PLCB1: variants seen among roughly 807,000 people sequenced by gnomAD.
PLCB1 encodes 1-phosphatidylinositol 4,5-bisphosphate phosphodiesterase beta-1.
A neutral mutation model predicts 161.8 loss-of-function variants in PLCB1; 46 were observed. The observed-to-expected ratio is 0.28, with a 90% CI of 0.22 to 0.36. The LOEUF (loss-of-function observed/expected upper bound fraction) is 0.36, where lower values mean the gene tolerates loss of function less well. Ranked by LOEUF, PLCB1 falls within the 10% of genes least tolerant of loss-of-function variation. The pLI is 1.00. For synonymous variants in PLCB1, 517 were observed against 503.7 expected (o/e 1.03, Z -0.35); for missense variants, 1,016 against 1,472.5 (o/e 0.69, Z 5.07).
intron 3 of PLCB1, among the ~76,000 whole-genome samples, chr20:8,530,912 G>A (rs914270753): frequency 6.6e-6 from 1 of 151,908 alleles, no homozygotes; most frequent in African/African-American, 2.4e-5. Context: ...GTTTTGTCAA[G>A]TTTGCTACAT....
intron 3 of PLCB1, among the ~76,000 whole-genome samples, chr20:8,408,212 T>A (rs6086435): frequency 0.23 from 35,426 of 152,050 alleles, 4,571 homozygotes; most frequent in East Asian, 0.4. Context: ...TTCTGTCTAT[T>A]CTCTTTGCAA....
chr20:8,825,488 G>T lies in PLCB1; in HGVS notation c.3423+35227G>T, dbSNP rs531963356. Among the ~76,000 whole-genome samples, 31 of 151,988 alleles carry T rather than the reference G, an allele frequency of 2.0e-4. 1 individual carries two copies. Among genetic ancestry groups the T allele is most frequent in the African/African-American group, 7.0e-4 (29 of 41,370 alleles). Reference sequence around the variant, plus strand: ...CTTTCAGATACGGAGAATAATACACGCAAAGTCCCTGTGATAGGAGGGACC... The same window carrying T: ...CTTTCAGATACGGAGAATAATACACTCAAAGTCCCTGTGATAGGAGGGACC... On this transcript the variant is annotated intron_variant, in intron 31 of 31. Transcript: ENST00000338037.
At chr20:8,577,273 CAA>C (rs60742411) in intron 3 of PLCB1, among the ~76,000 whole-genome samples, 6 of 126,968 alleles carry the variant, frequency 4.7e-5, no homozygotes, top group African/African-American at 5.8e-5. Context: ...ATTAAAAATA[CAA>C]AAAAAAAAAA....
Position 8,132,329 on chromosome 20 carries a change from G to A in PLCB1, c.-323G>A, listed in dbSNP as rs1398759569. 2.3e-5 allele frequency: 5 copies of A among 217,104 alleles called. No homozygotes were observed. The highest frequency in any genetic ancestry group is 4.5e-5 in the Non-Finnish European group (5 of 110,954). The allele number at this position is 217,104 out of a possible 1,614,324, so 13.4% of individuals were successfully genotyped here. A position where few individuals can be genotyped will look rare whatever the true frequency, so the allele number is the denominator to read the frequency against. The stretch of plus-strand genomic sequence containing the variant: ...TGGTGCGCTTTGAGGCGGCGGCGGC[G>A]GAGGAGCAGAATCCGCCGCGACTGG... On this transcript the variant is annotated 5_prime_UTR_variant, in exon 1 of 32. Coordinates refer to ENST00000338037, the MANE Select transcript of PLCB1 (RefSeq NM_015192.4). This position sits in a 1 kb window ranked among gnomAD's most constrained non-coding sequence, Gnocchi z 5.2.
At chr20:8,151,957 CTTTGTTGCA>C (rs985578858) in intron 2 of PLCB1, among the ~76,000 whole-genome samples, 4 of 152,096 alleles carry the variant, frequency 2.6e-5, no homozygotes, top group Non-Finnish European at 5.9e-5. Flanking sequence ...ACCAAAGGCT[CTTTGTTGCA>C]TTTCTGTTGT....
intron 3 of PLCB1, among the ~76,000 whole-genome samples, chr20:8,395,059 A>G (rs1435388099): frequency 6.6e-6 from 1 of 152,108 alleles, no homozygotes; most frequent in Non-Finnish European, 1.5e-5. Context: ...TTTAGTTGAA[A>G]TTAGTCATTT....
At chr20:8,874,656 T>G (rs1987716485) in intron 31 of PLCB1, among the ~76,000 whole-genome samples, 1 of 151,998 alleles carries the variant, frequency 6.6e-6, no homozygotes, top group South Asian at 2.1e-4. Context: ...CAGCAAAAAA[T>G]ATAGAGATAG....
At chr20:8,167,059 C>A (rs978136094) in intron 2 of PLCB1, among the ~76,000 whole-genome samples, 2 of 152,124 alleles carry the variant, frequency 1.3e-5, no homozygotes, top group African/African-American at 4.8e-5. Context: ...TTGTAGCATT[C>A]GCCAATTTCC....
chr20:8,500,114 AT>A (rs1025528917), intron 3 of PLCB1, among the ~76,000 whole-genome samples: 6 of 152,336 alleles, frequency 3.9e-5, no homozygotes, highest in African/African-American at 1.4e-4. Flanking sequence ...TGTATCCAGT[AT>A]TTTAGTGATT....
intron 3 of PLCB1, among the ~76,000 whole-genome samples, chr20:8,442,167 A>G (rs894784110): frequency 3.3e-5 from 5 of 152,142 alleles, no homozygotes; most frequent in Non-Finnish European, 5.9e-5. Flanking sequence ...ATATGTCTTA[A>G]ATACTTAATT....
intron 2 of PLCB1, among the ~76,000 whole-genome samples, chr20:8,328,649 A>G (rs942883705): frequency 6.6e-6 from 1 of 151,874 alleles, no homozygotes; most frequent in Non-Finnish European, 1.5e-5. Context: ...GCATGTATAT[A>G]TAAAAAATAA....
At chr20:8,237,794 G>A (rs1343758571) in intron 2 of PLCB1, among the ~76,000 whole-genome samples, 4 of 152,014 alleles carry the variant, frequency 2.6e-5, no homozygotes, top group African/African-American at 4.8e-5. Context: ...AACTAATTAC[G>A]TAAATGGGAT....
At chr20:8,880,332 A>G (rs1181779244) in intron 31 of PLCB1, among the ~76,000 whole-genome samples, 1 of 152,112 alleles carries the variant, frequency 6.6e-6, no homozygotes, top group Non-Finnish European at 1.5e-5. Flanking sequence ...CTCCCTGTCT[A>G]CCGGAGAATC....
At chr20:8,218,518 T>A (rs536664198) in intron 2 of PLCB1, among the ~76,000 whole-genome samples, 1 of 152,268 alleles carries the variant, frequency 6.6e-6, no homozygotes, top group South Asian at 2.1e-4. Flanking sequence ...AATTCCTCAG[T>A]TACCTCTAAT....
intron 27 of PLCB1, among the ~76,000 whole-genome samples, chr20:8,787,108 G>C (rs140822371): frequency 4.3e-4 from 66 of 152,308 alleles, no homozygotes; most frequent in Admixed American, 2.5e-3. Flanking sequence ...TTGTCACATG[G>C]CCACAAAAAG....
intron 31 of PLCB1, among the ~76,000 whole-genome samples, chr20:8,856,638 G>A (rs1389499349): frequency 6.6e-6 from 1 of 152,016 alleles, no homozygotes; most frequent in African/African-American, 2.4e-5. Flanking sequence ...TAAATAAAAA[G>A]AGCCAGACAC....
intron 2 of PLCB1, among the ~76,000 whole-genome samples, chr20:8,230,899 C>T (rs1434461980): frequency 6.6e-6 from 1 of 152,100 alleles, no homozygotes; most frequent in African/African-American, 2.4e-5. Flanking sequence ...CTCAAGCCCC[C>T]AAACCATGGT....
chr20:8,662,470 T>C (rs1340401179), intron 9 of PLCB1, among the ~76,000 whole-genome samples: 1 of 137,484 alleles, frequency 7.3e-6, no homozygotes, highest in African/African-American at 2.6e-5. Context: ...TATAATTATG[T>C]ATAATATATA....
chr20:8,538,649 G>C (rs1248958629), intron 3 of PLCB1, among the ~76,000 whole-genome samples: 1 of 151,118 alleles, frequency 6.6e-6, no homozygotes, highest in African/African-American at 2.4e-5. Flanking sequence ...GTGCCCAGCT[G>C]ATAAGGTACT....
Sources: allele counts gnomAD v4.1 joint callset (sites outside exome capture counted in the v4.1 genomes callset), GRCh38; gene constraint gnomAD v4.1.1; non-coding constraint Gnocchi (gnomAD v3.1); transcripts MANE v1.5; gene names NCBI Gene and HGNC (gene_info 2026-07-23, HGNC 2026-07-21).